ZNF609: variants seen among roughly 807,000 people sequenced by gnomAD.
ZNF609 encodes the protein zinc finger protein 609.
A neutral mutation model predicts 109.5 loss-of-function variants in ZNF609; 11 were observed. That is an observed-to-expected ratio of 0.10 (90% CI 0.06 to 0.17). The LOEUF (loss-of-function observed/expected upper bound fraction) is 0.17, where lower values mean the gene tolerates loss of function less well. Among genes scored for constraint, ZNF609 ranks in the 10% least tolerant of loss-of-function variants. ZNF609 has a pLI of 1.00. For missense variants in ZNF609, 1,559 were observed against 1,772.4 expected, an observed-to-expected ratio of 0.88 and a Z score of 2.16; for synonymous variants, 646 against 662.0, an observed-to-expected ratio of 0.98 and a Z score of 0.37.
At chr15:64,474,796 A>G (rs1299927543) in intron 1 of ZNF609, among the ~76,000 whole-genome samples, 1 of 152,190 alleles carries the variant, frequency 6.6e-6, no homozygotes, top group Non-Finnish European at 1.5e-5. Flanking sequence ...AAATAAAGCC[A>G]GCGTAGACCT....
intron 1 of ZNF609, among the ~76,000 whole-genome samples, chr15:64,477,362 G>A (rs1352042884): frequency 8.6e-5 from 13 of 151,768 alleles, no homozygotes; most frequent in African/African-American, 2.9e-4. Context: ...GGATGGTCTC[G>A]ATCTCCTGAC....
At position 64,623,031 on chromosome 15, in the gene ZNF609, G is replaced by A. The variant is rs779161605; in HGVS notation, c.952G>A (p.Val318Met). The A allele has an allele frequency of 1.9e-6, 3 of 1,614,062 alleles. No homozygotes were observed. Among genetic ancestry groups the A allele is most frequent in the East Asian group, 2.2e-5 (1 of 44,890 alleles). The change falls in exon 3 of 10, where the codon GTG (valine) becomes ATG (methionine). Residue 318 changes from valine to methionine, a missense_variant. Val to Met is a conservative substitution (Grantham distance 21, BLOSUM62 1). This residue lies in a region of ZNF609 where 38 missense variants were observed against 82.1 expected (regional missense o/e 0.46). Transcript: ENST00000326648. ...PGTSVNLEGI[V>M]WQETEDGMLV... Reference sequence around the variant, plus strand: ...AACTAGCGTCAACCTTGAAGGCATCGTGTGGCAGGAAACAGAAGATGGTAA... The same window carrying A: ...AACTAGCGTCAACCTTGAAGGCATCATGTGGCAGGAAACAGAAGATGGTAA...
intron 2 of ZNF609, among the ~76,000 whole-genome samples, chr15:64,602,716 C>CTTTTTTTTTTTTTTT (rs10600561): frequency 5.4e-5 from 3 of 55,590 alleles, no homozygotes; most frequent in Middle Eastern, 0.019. Flanking sequence ...TTTTTTCTTT[C>CTTTTTTTTTTTTTTT]TTTTTTTTTT....
intron 1 of ZNF609, among the ~76,000 whole-genome samples, chr15:64,491,479 G>A (rs1248517762): frequency 6.6e-6 from 1 of 152,174 alleles, no homozygotes; most frequent in Non-Finnish European, 1.5e-5. Flanking sequence ...TATATTCAAA[G>A]ACAGTTTATA....
chr15:64,643,245 A>C (rs1003579962), intron 3 of ZNF609, among the ~76,000 whole-genome samples: 10 of 152,190 alleles, frequency 6.6e-5, no homozygotes, highest in African/African-American at 2.4e-4. Context: ...ATTTCCTGCA[A>C]CATTCCTTGC....
rs1458945475 is a variant in ZNF609, at chr15:64,539,198, AT to A, written c.747+39035del. Among the ~76,000 whole-genome samples, 13 of 136,048 alleles carry A rather than the reference AT, an allele frequency of 9.6e-5. 1 individual carries two copies. The highest frequency in any genetic ancestry group is 6.1e-4 in the East Asian group (3 of 4,898). The allele number at this position is 136,048 out of a possible 152,430, so 89.3% of individuals were successfully genotyped here. A position where few individuals can be genotyped will look rare whatever the true frequency, so the allele number is the denominator to read the frequency against. On this transcript the variant is annotated intron_variant, in intron 2 of 9. Coordinates refer to ENST00000326648, the MANE Select transcript of ZNF609 (RefSeq NM_015042.2). ...TATTTATTTATTTATTTATTTATTT[AT>A]TTATTTATTATTTTTTATTTTGTTT... is the stretch of plus-strand genomic sequence containing the variant.
chr15:64,469,969 G>A (rs1411093493), intron 1 of ZNF609, among the ~76,000 whole-genome samples: 1 of 152,160 alleles, frequency 6.6e-6, no homozygotes, highest in Non-Finnish European at 1.5e-5. Flanking sequence ...GAGCTAAATT[G>A]GACTGATTAT....
intron 1 of ZNF609, among the ~76,000 whole-genome samples, chr15:64,473,819 C>T (rs534719487): frequency 8.6e-5 from 13 of 152,004 alleles, no homozygotes; most frequent in African/African-American, 2.4e-4. Context: ...GCCCACACCC[C>T]GTCTCAGTGC....
intron 3 of ZNF609, among the ~76,000 whole-genome samples, chr15:64,660,715 G>A (rs1210495656): frequency 1.3e-5 from 2 of 151,996 alleles, no homozygotes; most frequent in African/African-American, 2.4e-5. Flanking sequence ...TTGCTCTTCC[G>A]AACGTGCCAT....
chr15:64,536,553 C>T (rs192257436), intron 2 of ZNF609, among the ~76,000 whole-genome samples: 1 of 152,128 alleles, frequency 6.6e-6, no homozygotes, highest in East Asian at 1.9e-4. Context: ...AAGAAGTGCA[C>T]CATCTAACCA....
intron 3 of ZNF609, among the ~76,000 whole-genome samples, chr15:64,649,396 ACT>A (rs145430268): frequency 0.012 from 1,755 of 150,544 alleles, 17 homozygotes; most frequent in Middle Eastern, 0.031. Context: ...ACACTCTCAC[ACT>A]CTCTCTCACA....
chr15:64,574,300 G>A (rs984821111), intron 2 of ZNF609, among the ~76,000 whole-genome samples: 1 of 151,368 alleles, frequency 6.6e-6, no homozygotes, highest in African/African-American at 2.4e-5. Flanking sequence ...ATACAGCTTG[G>A]TAAAGAAGGA....
At chr15:64,630,179 C>G (rs576440435) in intron 3 of ZNF609, among the ~76,000 whole-genome samples, 9 of 147,456 alleles carry the variant, frequency 6.1e-5, no homozygotes, top group Non-Finnish European at 1.2e-4. Flanking sequence ...TCAAGCGATT[C>G]TTCTGCCTCA....
At chr15:64,577,818 C>T (rs908243711) in intron 2 of ZNF609, among the ~76,000 whole-genome samples, 4 of 151,174 alleles carry the variant, frequency 2.6e-5, no homozygotes, top group African/African-American at 9.7e-5. Context: ...GAGATCGCAC[C>T]ACTGCACTCC....
chr15:64,517,320 T>C (rs1230616157), intron 2 of ZNF609, among the ~76,000 whole-genome samples: 1 of 152,122 alleles, frequency 6.6e-6, no homozygotes, highest in Non-Finnish European at 1.5e-5. Flanking sequence ...GAGGCTGCAG[T>C]GAGCCGAGAT....
At chr15:64,563,637 A>T (rs989961134) in intron 2 of ZNF609, among the ~76,000 whole-genome samples, 3 of 150,166 alleles carry the variant, frequency 2.0e-5, no homozygotes, top group Non-Finnish European at 3.0e-5. Context: ...TTAGCCGGGC[A>T]TGGTGGCGCA....
At chr15:64,637,504 A>G (rs539492606) in intron 3 of ZNF609, among the ~76,000 whole-genome samples, 1 of 152,180 alleles carries the variant, frequency 6.6e-6, no homozygotes, top group Non-Finnish European at 1.5e-5. Context: ...TCCTACTTCC[A>G]ATGTATTAGA....
At chr15:64,645,024 CCTTCCTTT>C (rs1195696563) in intron 3 of ZNF609, among the ~76,000 whole-genome samples, 111 of 141,528 alleles carry the variant, frequency 7.8e-4, no homozygotes, top group Non-Finnish European at 3.3e-4. Flanking sequence ...TTCCTTCCTT[CCTTCCTTT>C]CTTCCTTCCT....
At chr15:64,489,171 G>A (rs903575537) in intron 1 of ZNF609, among the ~76,000 whole-genome samples, 2 of 150,948 alleles carry the variant, frequency 1.3e-5, no homozygotes, top group African/African-American at 4.9e-5. Context: ...GCCTAGTTTT[G>A]TGTTTTTTTT....
Sources: allele counts gnomAD v4.1 joint callset (sites outside exome capture counted in the v4.1 genomes callset), GRCh38; gene constraint gnomAD v4.1.1; regional missense constraint gnomAD v4.1.1; transcripts MANE v1.5; gene names NCBI Gene and HGNC (gene_info 2026-07-23, HGNC 2026-07-21).